MACROD2: variants seen among roughly 807,000 people sequenced by gnomAD.
The protein encoded by MACROD2 is ADP-ribose glycohydrolase MACROD2.
A neutral mutation model predicts 70.4 loss-of-function variants in MACROD2; 36 were observed. That is an observed-to-expected ratio of 0.51 (90% CI 0.39 to 0.68). MACROD2 has a LOEUF of 0.68. MACROD2 is among the 30% of genes least tolerant of loss of function. The probability of loss-of-function intolerance (pLI) is 0.00; values close to 1 mark genes in which losing one functional copy is unlikely to be tolerated. For missense variants in MACROD2, 496 were observed against 538.4 expected (o/e 0.92, Z 0.78); for synonymous variants, 172 against 178.8 (o/e 0.96, Z 0.30).
At chr20:14,930,790 A>AAT (rs2074287480) in intron 5 of MACROD2, among the ~76,000 whole-genome samples, 1 of 135,504 alleles carries the variant, frequency 7.4e-6, no homozygotes, top group Non-Finnish European at 1.6e-5. Flanking sequence ...AAAAAAAAAA[A>AAT]GTCTATCTCC....
intron 5 of MACROD2, among the ~76,000 whole-genome samples, chr20:15,147,712 A>G (rs1481409095): frequency 1.3e-5 from 2 of 152,158 alleles, no homozygotes; most frequent in Non-Finnish European, 2.9e-5. Flanking sequence ...CGTCCGTGTG[A>G]ACAGACCACC....
At chr20:15,812,291 A>C (rs2063829492) in intron 8 of MACROD2, among the ~76,000 whole-genome samples, 1 of 152,170 alleles carries the variant, frequency 6.6e-6, no homozygotes, top group African/African-American at 2.4e-5. Context: ...CTGTTATCTG[A>C]ACTGATATTT....
At chr20:15,141,900 C>T (rs1797921542) in intron 5 of MACROD2, among the ~76,000 whole-genome samples, 1 of 152,144 alleles carries the variant, frequency 6.6e-6, no homozygotes, top group African/African-American at 2.4e-5. Context: ...GCCAGGAAAC[C>T]CAGATCGAGC....
At chr20:14,316,333 T>TA (rs2082611436) in intron 3 of MACROD2, among the ~76,000 whole-genome samples, 1 of 152,208 alleles carries the variant, frequency 6.6e-6, no homozygotes, top group South Asian at 2.1e-4. Flanking sequence ...ATCTCCCCAT[T>TA]AAACGTTTTG....
chr20:14,048,098 G>A (rs1286606139), intron 2 of MACROD2, among the ~76,000 whole-genome samples: 2 of 151,668 alleles, frequency 1.3e-5, no homozygotes. Flanking sequence ...CGAACACCAT[G>A]GATTTTCATC....
At chr20:14,904,776 A>G (rs1273571445) in intron 5 of MACROD2, among the ~76,000 whole-genome samples, 1 of 152,214 alleles carries the variant, frequency 6.6e-6, no homozygotes, top group Non-Finnish European at 1.5e-5. Flanking sequence ...GAGATTATGT[A>G]TGTAACACAC....
chr20:15,822,737 A>G (rs971971088), intron 8 of MACROD2, among the ~76,000 whole-genome samples: 3 of 152,176 alleles, frequency 2.0e-5, no homozygotes, highest in Non-Finnish European at 4.4e-5. Context: ...TCAATATCAC[A>G]TGGAATATTC....
intron 3 of MACROD2, among the ~76,000 whole-genome samples, chr20:14,490,973 C>T (rs1437114058): frequency 6.6e-6 from 1 of 152,146 alleles, no homozygotes; most frequent in Non-Finnish European, 1.5e-5. Flanking sequence ...AACCATTGAA[C>T]TCAGACCTTG....
At chr20:15,315,019 A>C (rs979478956) in intron 6 of MACROD2, among the ~76,000 whole-genome samples, 2 of 152,228 alleles carry the variant, frequency 1.3e-5, no homozygotes, top group Admixed American at 6.5e-5. Context: ...CCTAACACAG[A>C]GCTAATTTCA....
At chr20:14,872,698 A>C (rs1313342188) in intron 5 of MACROD2, among the ~76,000 whole-genome samples, 1 of 152,156 alleles carries the variant, frequency 6.6e-6, no homozygotes, top group Non-Finnish European at 1.5e-5. Flanking sequence ...AAAATATAGG[A>C]ATATTACCCA....
rs961100676 is a variant in MACROD2, at chr20:15,324,211, A to AT, written c.540+94156dup. Among the ~76,000 whole-genome samples, 3 of 152,070 alleles carry AT rather than the reference A, an allele frequency of 2.0e-5. 1 individual carries two copies. Among genetic ancestry groups the AT allele is most frequent in the Admixed American group, 2.0e-4 (3 of 15,258 alleles). ...TCTCTCTCAATTTAAAAAGGGTTCA[A>AT]TTTTTTACTGCTTCAGGCAAGTACA... is the stretch of plus-strand genomic sequence containing the variant. On this transcript the variant is annotated intron_variant, in intron 6 of 17. Coordinates refer to ENST00000684519, the MANE Select transcript of MACROD2 (RefSeq NM_001351661.2).
At chr20:14,085,853 C>T in intron 3 of MACROD2, 125 bp downstream of exon 3, 1 of 525,290 alleles carries the variant, frequency 1.9e-6, no homozygotes, top group Non-Finnish European at 3.2e-6. Context: ...TATTCTGTTT[C>T]TCTTCTTGAT....
At chr20:14,896,172 G>T (rs996324915) in intron 5 of MACROD2, among the ~76,000 whole-genome samples, 1 of 152,136 alleles carries the variant, frequency 6.6e-6, no homozygotes. Flanking sequence ...GTGGGCGCCT[G>T]TAATACCAGC....
intron 7 of MACROD2, among the ~76,000 whole-genome samples, chr20:15,481,727 C>T (rs1403873533): frequency 1.3e-5 from 2 of 151,808 alleles, no homozygotes; most frequent in Non-Finnish European, 2.9e-5. Context: ...ATACAAATGT[C>T]TGTAGTTTAA....
intron 5 of MACROD2, among the ~76,000 whole-genome samples, chr20:14,872,660 G>A (rs529813873): frequency 6.6e-6 from 1 of 152,230 alleles, no homozygotes; most frequent in African/African-American, 2.4e-5. Flanking sequence ...AAGTAAAATG[G>A]TTTAGTGTAA....
At chr20:15,616,605 A>G (rs1252081852) in intron 8 of MACROD2, among the ~76,000 whole-genome samples, 2 of 152,128 alleles carry the variant, frequency 1.3e-5, no homozygotes, top group Admixed American at 6.5e-5. Flanking sequence ...CTGCCCTTCC[A>G]TACCTCTAGA....
At chr20:15,440,451 A>G (rs1031179582) in intron 7 of MACROD2, among the ~76,000 whole-genome samples, 2 of 152,132 alleles carry the variant, frequency 1.3e-5, no homozygotes, top group African/African-American at 4.8e-5. Context: ...GCAACTTTCT[A>G]ATTGAATCCC....
In MACROD2 at chr20:15,431,390, G is replaced by A. The variant is rs1600402005; in HGVS notation, c.541-15G>A. On this transcript the variant is annotated splice_polypyrimidine_tract_variant and intron_variant, in intron 6 of 17. Transcript: ENST00000684519. ...TTCTTTAATATTCATTGTTATTTTTGTGGTTTATTCACAGGCATTTCCCTG... is the reference window on the plus strand; with the variant it reads ...TTCTTTAATATTCATTGTTATTTTTATGGTTTATTCACAGGCATTTCCCTG... The A allele has an allele frequency of 6.3e-7, 1 of 1,593,970 alleles. No individual in the cohort carries two copies. Among genetic ancestry groups the A allele is most frequent in the Non-Finnish European group, 8.6e-7 (1 of 1,163,602 alleles).
rs1472819940 is a variant in MACROD2 at position 15,423,696 on chromosome 20, C to T, written c.541-7709C>T. On this transcript the variant is annotated intron_variant, in intron 6 of 17. Transcript: ENST00000684519. ...TCCCATTCATGAGGGAAGGGCTCCA[C>T]CCTTATCCCCTAATTACCTCCCAAA... Among the ~76,000 whole-genome samples the T allele has an allele frequency of 2.0e-5, 3 of 152,242 alleles. No homozygotes were observed. In the East Asian group the frequency reaches 5.8e-4, roughly 29 times the overall value.
Sources: gnomAD v4.1 joint callset for allele counts (sites outside exome capture counted in the v4.1 genomes callset) on GRCh38, gnomAD v4.1.1 for gene constraint, MANE v1.5 for transcripts, NCBI Gene and HGNC (gene_info 2026-07-23, HGNC 2026-07-21) for gene names.